Variants in NAA16 observed in about 807,000 individuals in gnomAD.
NAA16 encodes NARG1-like protein.
A neutral mutation model predicts 110.3 loss-of-function variants in NAA16; 97 were observed. The ratio of observed to expected loss-of-function variants is 0.88; its 90% CI spans 0.75 to 1.04. The LOEUF (loss-of-function observed/expected upper bound fraction) is 1.04, where lower values mean the gene tolerates loss of function less well. NAA16 is among the 50% of genes least tolerant of loss of function. NAA16 has a pLI of 0.00. For synonymous variants in NAA16, 372 were observed against 330.6 expected, an observed-to-expected ratio of 1.13 and a Z score of -1.36; for missense variants, 1,017 against 1,005.1, an observed-to-expected ratio of 1.01 and a Z score of -0.16.
chr13:41,320,538 C>A, intron 3 of NAA16, 129 bp from the exon 4 acceptor site: 2 of 848,342 alleles, frequency 2.4e-6, no homozygotes, highest in Non-Finnish European at 3.4e-6. Context: ...CATTCCCCTC[C>A]CCCAGACTCC....
At chr13:41,353,624 G>A (rs2042900312) in intron 9 of NAA16, among the ~76,000 whole-genome samples, 1 of 151,848 alleles carries the variant, frequency 6.6e-6, no homozygotes, top group African/African-American at 2.4e-5. Context: ...AAAATTATCA[G>A]GGCATGGTAA....
chr13:41,369,728 G>C (rs1371563999), intron 15 of NAA16, among the ~76,000 whole-genome samples: 5 of 152,194 alleles, frequency 3.3e-5, no homozygotes, highest in African/African-American at 9.6e-5. Flanking sequence ...TCAACCTGCT[G>C]TTGCTGGCTT....
chr13:41,354,915 G>A (rs1213058708), intron 9 of NAA16, among the ~76,000 whole-genome samples: 4 of 91,168 alleles, frequency 4.4e-5, no homozygotes, highest in African/African-American at 1.4e-4. Context: ...TGTCTTGTGA[G>A]TGGTCCATAT....
intron 9 of NAA16, among the ~76,000 whole-genome samples, chr13:41,342,293 A>G (rs952823487): frequency 1.2e-4 from 18 of 152,054 alleles, no homozygotes; most frequent in African/African-American, 2.2e-4. Context: ...GCACACTGCC[A>G]TGCCTGGCTA....
chr13:41,312,253 C>T (rs2041631037), intron 1 of NAA16, among the ~76,000 whole-genome samples: 1 of 152,220 alleles, frequency 6.6e-6, no homozygotes, highest in Admixed American at 6.5e-5. Flanking sequence ...GCTTTTTAGT[C>T]GCACAGGCCT....
intron 4 of NAA16, among the ~76,000 whole-genome samples, chr13:41,322,301 G>C (rs1366086278): frequency 6.6e-6 from 1 of 152,144 alleles, no homozygotes; most frequent in Admixed American, 6.6e-5. Flanking sequence ...GGGTAGGAGT[G>C]TCATCAAATG....
Position 41,311,515 on chromosome 13 carries a change from C to A in NAA16, c.-14C>A. The stretch of plus-strand genomic sequence containing the variant: ...AGCCTCCCTGCCGGCCACCTAGCCT[C>A]CCTGCCGGCCACGATGCCGAACGTG... On this transcript the variant is annotated 5_prime_UTR_variant, in exon 1 of 20. Transcript: ENST00000379406. 6.3e-7 allele frequency: 1 copy of A among 1,595,928 alleles called. No homozygotes were observed. Among genetic ancestry groups the A allele is most frequent in the Non-Finnish European group, 8.5e-7 (1 of 1,171,894 alleles).
chr13:41,315,679 C>T (rs1045385319), intron 1 of NAA16, among the ~76,000 whole-genome samples: 3 of 151,906 alleles, frequency 2.0e-5, no homozygotes, highest in Non-Finnish European at 2.9e-5. Flanking sequence ...TGTGTGTATG[C>T]GTGCACACAC....
At chr13:41,373,342 C>G (rs2043360291) in intron 17 of NAA16, 2 of 366,792 alleles carry the variant, frequency 5.5e-6, no homozygotes, top group Non-Finnish European at 7.5e-6. Flanking sequence ...ACTGCAACCT[C>G]CACCTCCCGG....
chr13:41,349,277 T>C (rs181029365), intron 9 of NAA16, among the ~76,000 whole-genome samples: 211 of 152,126 alleles, frequency 1.4e-3, no homozygotes, highest in Admixed American at 0.011. Flanking sequence ...CATCAAACCC[T>C]TGGGCTCAAG....
In NAA16 at chr13:41,367,480, A is replaced by G. The variant is rs775385407; in HGVS notation, c.1581A>G (p.Thr527=). ...CTGATGACCAATTCGACTTCCATAC[A>G]TACTGCATGAGAAAGATGACCCTTC... ...EITDDQFDFH[T]YCMRKMTLRA... Residue 527 remains threonine (T), a synonymous_variant, in exon 14 of 20, where the codon ACA becomes ACG. Coordinates refer to ENST00000379406, the MANE Select transcript of NAA16 (RefSeq NM_024561.5). 1.2e-6 allele frequency: 2 copies of G among 1,612,932 alleles called. No individual in the cohort carries two copies. The highest frequency in any genetic ancestry group is 1.7e-5 in the Admixed American group (1 of 59,892).
chr13:41,351,682 GCTT>G (rs2042839117), intron 9 of NAA16, among the ~76,000 whole-genome samples: 1 of 152,304 alleles, frequency 6.6e-6, no homozygotes, highest in African/African-American at 2.4e-5. Context: ...AAGATAAAAA[GCTT>G]CTTCCATCTT....
At chr13:41,361,211 A>G (rs928337489) in intron 12 of NAA16, among the ~76,000 whole-genome samples, 10 of 152,330 alleles carry the variant, frequency 6.6e-5, no homozygotes, top group African/African-American at 2.4e-4. Flanking sequence ...CTGAATTAAC[A>G]AATTCAGTTA....
At chr13:41,357,610 C>T (rs961008817) in intron 10 of NAA16, among the ~76,000 whole-genome samples, 1 of 152,198 alleles carries the variant, frequency 6.6e-6, no homozygotes, top group African/African-American at 2.4e-5. Context: ...ACTCTTTCCT[C>T]CTCATTTTTA....
intron 9 of NAA16, among the ~76,000 whole-genome samples, chr13:41,347,325 T>C (rs1279649391): frequency 6.6e-6 from 1 of 152,124 alleles, no homozygotes; most frequent in Non-Finnish European, 1.5e-5. Flanking sequence ...AAGACTATTT[T>C]GGTTATTCAG....
intron 9 of NAA16, among the ~76,000 whole-genome samples, chr13:41,348,963 G>T (rs1191878671): frequency 2.0e-5 from 3 of 152,136 alleles, no homozygotes; most frequent in African/African-American, 7.2e-5. Flanking sequence ...TATAAAGTCA[G>T]TGGTAATATC....
At position 41,377,013 on chromosome 13, in the gene NAA16, A is replaced by G. The variant is rs190181772; in HGVS notation, c.*1411A>G. Reference sequence around the variant, plus strand: ...GCCAACCTAGATAATGCTATAATAAATTATTTTGTACACAGTTGCTTATTT... The same window carrying G: ...GCCAACCTAGATAATGCTATAATAAGTTATTTTGTACACAGTTGCTTATTT... On this transcript the variant is annotated 3_prime_UTR_variant, in exon 20 of 20. Coordinates refer to ENST00000379406, the MANE Select transcript of NAA16 (RefSeq NM_024561.5). The G allele has an allele frequency of 9.8e-5, 15 of 152,302 alleles. No individual in the cohort carries two copies. Among genetic ancestry groups the G allele is most frequent in the East Asian group, 9.6e-4 (5 of 5,192 alleles). The allele number at this position is 152,302 out of a possible 1,614,324, so 9.4% of individuals were successfully genotyped here.
Position 41,367,565 on chromosome 13 carries a change from A to G in NAA16, c.1666A>G (p.Lys556Glu), listed in dbSNP as rs536911334. ...DILRRHAFYFKAARSAIEIYL... is the reference protein window; with the variant it reads ...DILRRHAFYFEAARSAIEIYL... ...ACTCAGAAGACATGCCTTTTATTTC[A>G]AGGCTGCTAGATCAGCGATTGAAAT... Residue 556 changes from lysine (K) to glutamate (E), a missense_variant, in exon 14 of 20, where the codon AAG becomes GAG. Coordinates refer to ENST00000379406, the MANE Select transcript of NAA16 (RefSeq NM_024561.5). The G allele has an allele frequency of 1.2e-5, 20 of 1,613,298 alleles. No individual in the cohort carries two copies. The Admixed American group carries it at 2.7e-4, about 22-fold the overall frequency.
At chr13:41,365,584 C>T (rs2043192759) in intron 13 of NAA16, among the ~76,000 whole-genome samples, 2 of 152,178 alleles carry the variant, frequency 1.3e-5, no homozygotes, top group African/African-American at 2.4e-5. Flanking sequence ...CATATTCTGT[C>T]TATCACCATT....
Sources: gnomAD v4.1 joint callset for allele counts (sites outside exome capture counted in the v4.1 genomes callset) on GRCh38, gnomAD v4.1.1 for gene constraint, MANE v1.5 for transcripts, NCBI Gene and HGNC (gene_info 2026-07-23, HGNC 2026-07-21) for gene names.